Variants in RALYL observed in about 807,000 individuals in gnomAD.
RALYL encodes the protein RALY RNA binding protein like.
A neutral mutation model predicts 35.1 loss-of-function variants in RALYL; 29 were observed. The observed-to-expected ratio is 0.83, with a 90% CI of 0.61 to 1.13. The LOEUF (loss-of-function observed/expected upper bound fraction) is 1.13, where lower values mean the gene tolerates loss of function less well. RALYL is among the 50% of genes most tolerant of loss of function. The pLI, the probability that RALYL is intolerant of heterozygous loss-of-function variation, is 0.00. For synonymous variants in RALYL, 120 were observed against 127.6 expected (o/e 0.94, Z 0.40); for missense variants, 359 against 360.4 (o/e 1.00, Z 0.03).
intron 1 of RALYL, among the ~76,000 whole-genome samples, chr8:84,260,720 A>G (rs1832102148): frequency 6.6e-6 from 1 of 152,188 alleles, no homozygotes; most frequent in African/African-American, 2.4e-5. Context: ...ATGACCTACT[A>G]GGAAAACAGT....
intron 2 of RALYL, among the ~76,000 whole-genome samples, chr8:84,766,038 G>A (rs1813865870): frequency 6.6e-6 from 1 of 152,134 alleles, no homozygotes; most frequent in Non-Finnish European, 1.5e-5. Flanking sequence ...GGTAGAGTAA[G>A]TTGCAAATGT....
At chr8:84,251,684 C>T (rs151302156) in intron 1 of RALYL, among the ~76,000 whole-genome samples, 137 of 152,132 alleles carry the variant, frequency 9.0e-4, no homozygotes, top group African/African-American at 3.0e-3. Context: ...TTTTTATTCA[C>T]AATCTGAAAA....
At chr8:84,713,667 A>T (rs75472922) in intron 2 of RALYL, among the ~76,000 whole-genome samples, 2,435 of 152,040 alleles carry the variant, frequency 0.016, 26 homozygotes, top group Middle Eastern at 0.051. Flanking sequence ...TATGGAAAAC[A>T]GTGTGAAGTT....
chr8:84,820,778 GT>G (rs1173202161), intron 4 of RALYL, among the ~76,000 whole-genome samples: 2 of 151,992 alleles, frequency 1.3e-5, no homozygotes, highest in African/African-American at 4.8e-5. Flanking sequence ...TGGAACATGA[GT>G]TTTTTAAGGT....
chr8:84,377,688 C>T lies in RALYL; in HGVS notation c.-23-151611C>T, dbSNP rs73298733. Among the ~76,000 whole-genome samples the T allele has an allele frequency of 9.0e-3, 1,368 of 151,684 alleles. 32 individuals are homozygous for T. Among genetic ancestry groups the T allele is most frequent in the African/African-American group, 0.031 (1,274 of 41,442 alleles). ...CTCAGTATTTTATCCACCCACTCTG[C>T]TCAAATACACCCCATGCATCTTAGG... On this transcript the variant is annotated intron_variant, in intron 1 of 8. Transcript: ENST00000521268.
intron 7 of RALYL, among the ~76,000 whole-genome samples, chr8:84,881,191 A>C (rs1034139700): frequency 2.6e-5 from 4 of 151,958 alleles, no homozygotes; most frequent in African/African-American, 7.2e-5. Flanking sequence ...CCTGATGTTC[A>C]TTTATGTGGC....
intron 2 of RALYL, among the ~76,000 whole-genome samples, chr8:84,773,869 A>G (rs1335639532): frequency 6.6e-6 from 1 of 152,224 alleles, no homozygotes; most frequent in African/African-American, 2.4e-5. Flanking sequence ...TGCATACTGA[A>G]AAATTCTTAG....
At chr8:84,787,908 C>G (rs1819917175) in intron 3 of RALYL, among the ~76,000 whole-genome samples, 1 of 152,068 alleles carries the variant, frequency 6.6e-6, no homozygotes, top group Non-Finnish European at 1.5e-5. Flanking sequence ...TTTGTAGATT[C>G]TGGATATTAG....
chr8:84,493,195 G>T (rs1323006351), intron 1 of RALYL, among the ~76,000 whole-genome samples: 3 of 152,046 alleles, frequency 2.0e-5, no homozygotes, highest in African/African-American at 7.2e-5. Context: ...GTGTTAGTTT[G>T]CTGAGGATGA....
At chr8:84,671,350 T>C (rs1305760941) in intron 2 of RALYL, among the ~76,000 whole-genome samples, 17 of 152,154 alleles carry the variant, frequency 1.1e-4, no homozygotes, top group Non-Finnish European at 2.5e-4. Flanking sequence ...TCTACCATTC[T>C]GGGGTCTGGA....
intron 4 of RALYL, among the ~76,000 whole-genome samples, chr8:84,845,367 CA>C (rs1834418830): frequency 6.6e-6 from 1 of 151,976 alleles, no homozygotes; most frequent in South Asian, 2.1e-4. Flanking sequence ...TATTTTTTAA[CA>C]AAAGCCATTC....
At chr8:84,703,213 AG>A (rs1840527625) in intron 2 of RALYL, among the ~76,000 whole-genome samples, 1 of 152,032 alleles carries the variant, frequency 6.6e-6, no homozygotes, top group Non-Finnish European at 1.5e-5. Flanking sequence ...GGTATATGTA[AG>A]GTCCCCAATC....
At chr8:84,369,797 T>C (rs904967229) in intron 1 of RALYL, among the ~76,000 whole-genome samples, 1 of 152,160 alleles carries the variant, frequency 6.6e-6, no homozygotes, top group Non-Finnish European at 1.5e-5. Flanking sequence ...AATTGCAGTA[T>C]ATTAGCCTAT....
chr8:84,848,398 CAT>C (rs1033341028), intron 4 of RALYL, among the ~76,000 whole-genome samples: 2 of 147,100 alleles, frequency 1.4e-5, no homozygotes, highest in African/African-American at 2.5e-5. Flanking sequence ...TGTGTGTGTG[CAT>C]ATATATATGT....
At chr8:84,600,680 A>G (rs1251191849) in intron 2 of RALYL, among the ~76,000 whole-genome samples, 2 of 152,130 alleles carry the variant, frequency 1.3e-5, no homozygotes, top group African/African-American at 4.8e-5. Context: ...GCTGATCTGG[A>G]TATGACTGAG....
At chr8:84,518,542 T>C (rs143474262) in intron 1 of RALYL, among the ~76,000 whole-genome samples, 206 of 152,330 alleles carry the variant, frequency 1.4e-3, no homozygotes, top group Admixed American at 2.9e-3. Context: ...CTTTATCTTA[T>C]CTAGACATAC....
chr8:84,201,539 G>A (rs1816843306), intron 1 of RALYL, among the ~76,000 whole-genome samples: 1 of 151,806 alleles, frequency 6.6e-6, no homozygotes, highest in South Asian at 2.1e-4. Context: ...GCCTAATTGG[G>A]GGAGTAGTTT....
At chr8:84,858,907 T>C (rs1404625079) in intron 5 of RALYL, among the ~76,000 whole-genome samples, 1 of 152,180 alleles carries the variant, frequency 6.6e-6, no homozygotes, top group Non-Finnish European at 1.5e-5. Context: ...ATTAAGAAAG[T>C]CTTCAGGTCC....
chr8:84,917,997 A>G (rs1848742318), intron 8 of RALYL, among the ~76,000 whole-genome samples: 1 of 152,066 alleles, frequency 6.6e-6, no homozygotes, highest in African/African-American at 2.4e-5. Flanking sequence ...TACTCAAGAA[A>G]CATGATCCAT....
Sources: allele counts gnomAD v4.1 joint callset (sites outside exome capture counted in the v4.1 genomes callset), GRCh38; gene constraint gnomAD v4.1.1; transcripts MANE v1.5; gene names NCBI Gene and HGNC (gene_info 2026-07-23, HGNC 2026-07-21).